Variants in NUBPL observed in about 807,000 individuals in gnomAD.
NUBPL encodes NUBP iron-sulfur cluster assembly factor, mitochondrial.
In NUBPL, 31 loss-of-function variants were observed where a neutral mutation model predicts 45.7. That is an observed-to-expected ratio of 0.68 (90% CI 0.51 to 0.92). The LOEUF (loss-of-function observed/expected upper bound fraction) is 0.92. Ranked by LOEUF, NUBPL falls within the 40% of genes least tolerant of loss-of-function variation. The pLI, the probability that NUBPL is intolerant of heterozygous loss-of-function variation, is 0.00. For missense variants in NUBPL, 401 were observed against 398.7 expected (o/e 1.01, Z -0.05); for synonymous variants, 144 against 140.9 (o/e 1.02, Z -0.15).
intron 8 of NUBPL, 123 bp from the exon 9 acceptor site, chr14:31,846,348 C>T (rs2138992572): frequency 1.3e-6 from 1 of 780,142 alleles, no homozygotes; most frequent in African/African-American, 1.7e-5. Flanking sequence ...ATAGTTTATT[C>T]ATCATTGTGA....
chr14:31,678,592 G>T (rs2036755788), intron 6 of NUBPL, among the ~76,000 whole-genome samples: 1 of 152,196 alleles, frequency 6.6e-6, no homozygotes, highest in Admixed American at 6.5e-5. Context: ...TGTCGTCCAT[G>T]AGCCTGGAGT....
intron 6 of NUBPL, among the ~76,000 whole-genome samples, chr14:31,689,703 T>C (rs982996542): frequency 6.6e-6 from 1 of 152,230 alleles, no homozygotes; most frequent in African/African-American, 2.4e-5. Flanking sequence ...TTGTTGCGAT[T>C]GCTGTTGACA....
chr14:31,684,494 T>C (rs559327293), intron 6 of NUBPL, among the ~76,000 whole-genome samples: 3 of 152,334 alleles, frequency 2.0e-5, no homozygotes, highest in African/African-American at 7.2e-5. Context: ...GTTAGAAGTT[T>C]TGGGGACCAC....
intron 6 of NUBPL, among the ~76,000 whole-genome samples, chr14:31,760,144 T>TGTGAGA: frequency 1.1e-4 from 4 of 34,842 alleles, no homozygotes; most frequent in African/African-American, 3.2e-4. Context: ...TGTGTGTGTG[T>TGTGAGA]GAGAGAGAGA....
chr14:31,725,474 A>C (rs2037900116), intron 6 of NUBPL, among the ~76,000 whole-genome samples: 2 of 152,186 alleles, frequency 1.3e-5, no homozygotes, highest in African/African-American at 4.8e-5. Context: ...ATACATAATG[A>C]GATACCTTGA....
At chr14:31,853,109 TTTG>T (rs2040565494) in intron 10 of NUBPL, among the ~76,000 whole-genome samples, 1 of 151,840 alleles carries the variant, frequency 6.6e-6, no homozygotes, top group South Asian at 2.1e-4. Flanking sequence ...TTTGTTTTGT[TTTG>T]TTTTGTTTGA....
intron 4 of NUBPL, among the ~76,000 whole-genome samples, chr14:31,619,450 TC>T (rs1196943579): frequency 6.6e-6 from 1 of 152,256 alleles, no homozygotes; most frequent in Non-Finnish European, 1.5e-5. Flanking sequence ...GTTTTGTGCT[TC>T]CTTCAGAAGC....
chr14:31,599,259 T>A, intron 3 of NUBPL, 30 bp from the exon 4 acceptor site: 1 of 1,511,874 alleles, frequency 6.6e-7, no homozygotes, highest in Non-Finnish European at 9.2e-7. Flanking sequence ...GTTTTTGTTT[T>A]GTTTTATATT....
intron 6 of NUBPL, among the ~76,000 whole-genome samples, chr14:31,695,055 A>C (rs1451095696): frequency 1.3e-5 from 2 of 152,240 alleles, no homozygotes; most frequent in African/African-American, 4.8e-5. Flanking sequence ...TTAGAGAACA[A>C]GGCTGAGTGT....
At chr14:31,690,122 A>T (rs2037059410) in intron 6 of NUBPL, among the ~76,000 whole-genome samples, 1 of 151,392 alleles carries the variant, frequency 6.6e-6, no homozygotes, top group Non-Finnish European at 1.5e-5. Context: ...GACACTTATT[A>T]GTAAGGAAGA....
At chr14:31,755,074 A>G (rs1483700914) in intron 6 of NUBPL, among the ~76,000 whole-genome samples, 1 of 151,874 alleles carries the variant, frequency 6.6e-6, no homozygotes, top group Non-Finnish European at 1.5e-5. Flanking sequence ...TATATGTGCC[A>G]CATTTTCTTA....
At chr14:31,737,794 T>A (rs2038195640) in intron 6 of NUBPL, among the ~76,000 whole-genome samples, 1 of 152,126 alleles carries the variant, frequency 6.6e-6, no homozygotes, top group Admixed American at 6.6e-5. Flanking sequence ...ATAATAATAA[T>A]AAATTAATTA....
At chr14:31,839,213 A>G (rs1439412264) in intron 8 of NUBPL, among the ~76,000 whole-genome samples, 1 of 152,152 alleles carries the variant, frequency 6.6e-6, no homozygotes, top group Non-Finnish European at 1.5e-5. Context: ...ACATACATAC[A>G]TAAAAGGGCA....
intron 7 of NUBPL, among the ~76,000 whole-genome samples, chr14:31,811,625 T>A (rs1323349652): frequency 1.3e-5 from 2 of 152,214 alleles, no homozygotes; most frequent in Non-Finnish European, 2.9e-5. Context: ...TCTGTCAGCT[T>A]GTCAAAGTCA....
At chr14:31,772,481 T>G (rs1031650001) in intron 6 of NUBPL, among the ~76,000 whole-genome samples, 10 of 152,218 alleles carry the variant, frequency 6.6e-5, no homozygotes, top group South Asian at 4.1e-4. Flanking sequence ...TTAACTGAAA[T>G]ACTGTTACTT....
intron 6 of NUBPL, among the ~76,000 whole-genome samples, chr14:31,740,401 A>G (rs967552329): frequency 2.0e-5 from 3 of 152,200 alleles, no homozygotes; most frequent in Non-Finnish European, 4.4e-5. Context: ...CCATGATGAC[A>G]TATAATATGA....
intron 4 of NUBPL, 103 bp downstream of exon 4, chr14:31,599,482 T>C: frequency 1.2e-6 from 1 of 809,312 alleles, no homozygotes; most frequent in Non-Finnish European, 2.0e-6. Flanking sequence ...TTATGCACAA[T>C]GTAGTGTAAG....
intron 3 of NUBPL, among the ~76,000 whole-genome samples, chr14:31,574,788 C>T (rs950187751): frequency 6.6e-6 from 1 of 151,490 alleles, no homozygotes; most frequent in Non-Finnish European, 1.5e-5. Flanking sequence ...ACCATCTTGG[C>T]CAGGCTGGTC....
chr14:31,857,621 T>C (rs935773641), intron 10 of NUBPL, among the ~76,000 whole-genome samples: 13 of 152,198 alleles, frequency 8.5e-5, no homozygotes, highest in African/African-American at 3.1e-4. Context: ...TTCTGCCAGG[T>C]ACCCTAAATC....
Sources: allele counts gnomAD v4.1 joint callset (sites outside exome capture counted in the v4.1 genomes callset), GRCh38; gene constraint gnomAD v4.1.1; transcripts MANE v1.5; gene names NCBI Gene and HGNC (gene_info 2026-07-23, HGNC 2026-07-21).